Variants in BEND2 observed in about 807,000 individuals in gnomAD.
BEND2 encodes the protein BEN domain-containing protein 2.
In BEND2, 19 loss-of-function variants were observed where a neutral mutation model predicts 43.8. The observed-to-expected ratio is 0.43, with a 90% CI of 0.30 to 0.64. The LOEUF (loss-of-function observed/expected upper bound fraction) is 0.64, where lower values mean the gene tolerates loss of function less well. Ranked by LOEUF, BEND2 falls within the 30% of genes least tolerant of loss-of-function variation. The pLI is 0.11. For missense variants in BEND2, 544 were observed against 574.0 expected (o/e 0.95, Z 0.53); for synonymous variants, 226 against 210.1 (o/e 1.08, Z -0.66).
intron 8 of BEND2, among the ~76,000 whole-genome samples, chrX:18,186,949 A>G (rs1000184859): frequency 9.3e-6 from 1 of 107,011 alleles, no homozygotes; most frequent in African/African-American, 3.4e-5. Context: ...CCTGGGCAAC[A>G]GAGCAAGACC....
chrX:18,185,533 A>AAAT lies in BEND2; in HGVS notation c.1289-4886_1289-4884dup, dbSNP rs141832867. ...GTGACAGAGCGAGACTCAGTCGCAA[A>AAAT]AATAATAATAATAATAATAATAATA... On this transcript the variant is annotated intron_variant, in intron 8 of 13. Coordinates refer to ENST00000380033, the MANE Select transcript of BEND2 (RefSeq NM_153346.5). Among the ~76,000 whole-genome samples, 752 of 88,089 alleles carry AAAT rather than the reference A, an allele frequency of 8.5e-3. 8 individuals are homozygous for AAAT. The highest frequency in any genetic ancestry group is 0.019 in the African/African-American group (463 of 24,477). The allele number at this position is 88,089 out of a possible 115,157, so 76.5% of individuals were successfully genotyped here.
At chrX:18,173,088 A>G (rs1924025306) in intron 12 of BEND2, among the ~76,000 whole-genome samples, 1 of 111,485 alleles carries the variant, frequency 9.0e-6, no homozygotes, top group Admixed American at 9.6e-5. Flanking sequence ...ATAAAATGGC[A>G]TAACAGACTC....
In BEND2 at chrX:18,163,401, G is replaced by C. The variant is rs1169287711; in HGVS notation, c.*1608C>G. The C allele has an allele frequency of 3.6e-5, 4 of 111,800 alleles. No individual in the cohort carries two copies. Among genetic ancestry groups the C allele is most frequent in the African/African-American group, 1.3e-4 (4 of 30,806 alleles). 9.2% of individuals were successfully genotyped at this position (111,800 alleles called of 1,213,427 possible). On this transcript the variant is annotated 3_prime_UTR_variant, in exon 14 of 14. Transcript: ENST00000380033. ...ACTTTAAATTCTAATTAGCTAAAAT[G>C]AGAGAAAATGTTAAATTTACTTCCT...
At chrX:18,205,853 T>C (rs916062349) in intron 4 of BEND2, among the ~76,000 whole-genome samples, 2 of 110,831 alleles carry the variant, frequency 1.8e-5, no homozygotes, top group Non-Finnish European at 3.8e-5. Context: ...CAGTGGTCTA[T>C]GTTTTCACAA....
intron 6 of BEND2, among the ~76,000 whole-genome samples, chrX:18,199,197 T>C (rs749763773): frequency 9.1e-6 from 1 of 110,123 alleles, no homozygotes; most frequent in African/African-American, 3.3e-5. Flanking sequence ...AAACTTAAAG[T>C]ATAATAATAA....
chrX:18,197,586 A>G (rs1468026141), intron 6 of BEND2, among the ~76,000 whole-genome samples: 2 of 111,951 alleles, frequency 1.8e-5, no homozygotes, highest in East Asian at 2.8e-4. Context: ...AAGAGGAAGA[A>G]CATGGGCCGC....
Position 18,164,674 on chromosome X carries a change from T to C in BEND2, c.*335A>G, listed in dbSNP as rs780504466. Reference sequence around the variant, plus strand: ...TTATATTATTTGACTGAGTGGCTCCTTACTTTCTATTGAATTTCTTTCTCT... The same window carrying C: ...TTATATTATTTGACTGAGTGGCTCCCTACTTTCTATTGAATTTCTTTCTCT... On this transcript the variant is annotated 3_prime_UTR_variant, in exon 14 of 14. Transcript: ENST00000380033. 18 of 158,420 alleles carry C rather than the reference T, an allele frequency of 1.1e-4. No individual in the cohort carries two copies. The highest frequency in any genetic ancestry group is 4.7e-5 in the Non-Finnish European group (4 of 84,641). 13.1% of individuals were successfully genotyped at this position (158,420 alleles called of 1,213,427 possible).
intron 6 of BEND2, among the ~76,000 whole-genome samples, chrX:18,198,591 T>G (rs1415665280): frequency 2.7e-5 from 3 of 111,623 alleles, no homozygotes; most frequent in African/African-American, 9.8e-5. Flanking sequence ...TAAACACTTT[T>G]ACACTGGTGG....
chrX:18,169,622 A>C (rs935794937), intron 13 of BEND2, among the ~76,000 whole-genome samples: 1 of 111,590 alleles, frequency 9.0e-6, no homozygotes, highest in African/African-American at 3.3e-5. Context: ...AGTGAAACAG[A>C]CTTTCTTGTC....
In BEND2 at chrX:18,164,436, G is replaced by A. The variant is rs1332351641; in HGVS notation, c.*573C>T. ...CAACTACTACAGCAAACTATTCAGA[G>A]AATTATTTTAAAAAATAAATCCTTA... On this transcript the variant is annotated 3_prime_UTR_variant, in exon 14 of 14. Coordinates refer to ENST00000380033, the MANE Select transcript of BEND2 (RefSeq NM_153346.5). 1 of 111,082 alleles carries A rather than the reference G, an allele frequency of 9.0e-6. No individual in the cohort carries two copies. Among genetic ancestry groups the A allele is most frequent in the Non-Finnish European group, 1.9e-5 (1 of 52,995 alleles). The allele number at this position is 111,082 out of a possible 1,213,427, so 9.2% of individuals were successfully genotyped here.
chrX:18,201,747 C>A, intron 6 of BEND2, 68 bp downstream of exon 6: 1 of 1,103,051 alleles, frequency 9.1e-7, no homozygotes, highest in Non-Finnish European at 1.2e-6. Context: ...CCCGCCTCAC[C>A]CTCCCAAAGT....
chrX:18,211,098 A>G (rs1396218416), intron 4 of BEND2, among the ~76,000 whole-genome samples: 2 of 111,915 alleles, frequency 1.8e-5, no homozygotes, highest in Non-Finnish European at 3.8e-5. Context: ...GCAGATAATT[A>G]GCATTATCCC....
intron 6 of BEND2, among the ~76,000 whole-genome samples, chrX:18,198,395 T>C (rs1158275063): frequency 3.6e-5 from 4 of 111,080 alleles, no homozygotes; most frequent in Non-Finnish European, 5.7e-5. Flanking sequence ...AGGCAAAGGA[T>C]ATGAACAGAC....
At chrX:18,205,717 C>T (rs1351865103) in intron 4 of BEND2, among the ~76,000 whole-genome samples, 1 of 109,764 alleles carries the variant, frequency 9.1e-6, no homozygotes, top group Non-Finnish European at 1.9e-5. Flanking sequence ...TGATTAGCAG[C>T]CTGGAACAGT....
At chrX:18,182,949 C>T (rs1377477260) in intron 8 of BEND2, among the ~76,000 whole-genome samples, 3 of 102,324 alleles carry the variant, frequency 2.9e-5, no homozygotes, top group African/African-American at 1.1e-4. Context: ...GGCTGAGGTG[C>T]GAGAATCACT....
chrX:18,196,021 C>T (rs1404242809), intron 6 of BEND2, among the ~76,000 whole-genome samples: 4 of 111,023 alleles, frequency 3.6e-5, no homozygotes, highest in Admixed American at 9.6e-5. Context: ...CAATATAGGC[C>T]GGGAGCAGTG....
Position 18,180,542 on chromosome X carries a change from G to A in BEND2, c.1397C>T (p.Ser466Phe). The part of the protein sequence containing the change: ...LLDSDSGQDS[S>F]SSSVCIPPKY... ...GGGAGGGATACAGACAGATGATGAG[G>A]AAGAATCCTGGCCACTGTCACTGTC... The change falls in exon 9 of 14, where the codon TCC (serine) becomes TTC (phenylalanine). Residue 466 changes from serine to phenylalanine, a missense_variant. By Grantham distance (155) the Ser-to-Phe change is radical. This residue lies in a region of BEND2 where 501 missense variants were observed against 501.6 expected (regional missense o/e 1.00). Coordinates refer to ENST00000380033, the MANE Select transcript of BEND2 (RefSeq NM_153346.5). The A allele has an allele frequency of 8.3e-7, 1 of 1,207,001 alleles. No individual in the cohort carries two copies. Among genetic ancestry groups the A allele is most frequent in the Non-Finnish European group, 1.1e-6 (1 of 891,245 alleles).
At chrX:18,212,253 C>A (rs1925532622) in intron 4 of BEND2, among the ~76,000 whole-genome samples, 1 of 109,400 alleles carries the variant, frequency 9.1e-6, no homozygotes, top group African/African-American at 3.3e-5. Context: ...CACCACCACG[C>A]CAAGCTAATT....
At chrX:18,203,966 A>G (rs1274765947) in intron 4 of BEND2, 51 bp from the exon 5 acceptor site, 9 of 1,070,294 alleles carry the variant, frequency 8.4e-6, no homozygotes, top group Non-Finnish European at 1.1e-5. Context: ...TTCGGTTCCT[A>G]GACTTCAATT....
Sources: allele counts gnomAD v4.1 joint callset (sites outside exome capture counted in the v4.1 genomes callset), GRCh38; gene constraint gnomAD v4.1.1; regional missense constraint gnomAD v4.1.1; transcripts MANE v1.5; gene names NCBI Gene and HGNC (gene_info 2026-07-23, HGNC 2026-07-21).